Variants in HIPK3 observed in about 807,000 individuals in gnomAD.
HIPK3 encodes the protein homeodomain-interacting protein kinase 3.
HIPK3 carries 47 observed loss-of-function variants against 124.2 expected under a neutral mutation model. That is an observed-to-expected ratio of 0.38 (90% CI 0.30 to 0.48). The LOEUF is 0.48. Among genes scored for constraint, HIPK3 ranks in the 20% least tolerant of loss-of-function variants. The pLI is 0.98. For synonymous variants in HIPK3, 482 were observed against 515.2 expected (o/e 0.94, Z 0.87); for missense variants, 1,286 against 1,454.3 (o/e 0.88, Z 1.88).
chr11:33,295,306 C>G (rs1050047639), intron 2 of HIPK3, among the ~76,000 whole-genome samples: 1 of 151,346 alleles, frequency 6.6e-6, no homozygotes, highest in Non-Finnish European at 1.5e-5. Flanking sequence ...ACCCCATCCC[C>G]GCCCATGGCA....
At chr11:33,323,284 C>T (rs1366624029) in intron 2 of HIPK3, among the ~76,000 whole-genome samples, 1 of 152,142 alleles carries the variant, frequency 6.6e-6, no homozygotes, top group Non-Finnish European at 1.5e-5. Flanking sequence ...GCTCTGGTCG[C>T]CCAGGCTGGA....
rs1011435349 is a variant in HIPK3, at chr11:33,257,949, G to C, written c.-3+60G>C. The C allele has an allele frequency of 3.7e-4, 368 of 984,610 alleles. 2 individuals are homozygous for C. The highest frequency in any genetic ancestry group is 4.3e-4 in the Non-Finnish European group (357 of 829,318). 61.0% of individuals were successfully genotyped at this position (984,610 alleles called of 1,614,324 possible). A position where few individuals can be genotyped will look rare whatever the true frequency, so the allele number is the denominator to read the frequency against. On this transcript the variant is annotated intron_variant, in intron 1 of 16. Transcript: ENST00000303296. ...GGGTGGGGGGATCGGCTCCGTCTGCGGGCTCCGCGGCCAGCGGACCCCAAG... is the reference window on the plus strand; with the variant it reads ...GGGTGGGGGGATCGGCTCCGTCTGCCGGCTCCGCGGCCAGCGGACCCCAAG...
chr11:33,283,794 C>T (rs1264183669), intron 1 of HIPK3, among the ~76,000 whole-genome samples: 1 of 151,926 alleles, frequency 6.6e-6, no homozygotes, highest in Non-Finnish European at 1.5e-5. Flanking sequence ...TGTGCCTCAG[C>T]CTCTCCAGTG....
At chr11:33,300,156 A>G (rs1021483128) in intron 2 of HIPK3, among the ~76,000 whole-genome samples, 6 of 152,094 alleles carry the variant, frequency 3.9e-5, no homozygotes, top group Non-Finnish European at 7.4e-5. Flanking sequence ...CCTGGCCAAC[A>G]TGGCGAAACC....
intron 12 of HIPK3, 85 bp downstream of exon 12, chr11:33,348,313 AAG>A (rs1853559079): frequency 1.6e-6 from 2 of 1,276,272 alleles, no homozygotes; most frequent in African/African-American, 3.0e-5. Flanking sequence ...ATTTACCAAA[AAG>A]CAACTATTTA....
At chr11:33,272,418 T>C (rs562387986) in intron 1 of HIPK3, among the ~76,000 whole-genome samples, 1 of 151,348 alleles carries the variant, frequency 6.6e-6, no homozygotes, top group East Asian at 1.9e-4. Context: ...AAAATAATAA[T>C]AATTCAATGT....
chr11:33,356,414 TTAAA>T lies in HIPK3; in HGVS notation c.*2851_*2854del, dbSNP rs1247217934. On this transcript the variant is annotated 3_prime_UTR_variant, in exon 17 of 17. Transcript: ENST00000303296. ...AGTTTTCTTCGGTTTTAATGCTTTC[TTAAA>T]TAAAACACTGCATGATTTCCAAGTT... is the stretch of plus-strand genomic sequence containing the variant. 3.9e-5 allele frequency: 6 copies of T among 152,088 alleles called. No homozygotes were observed. Among genetic ancestry groups the T allele is most frequent in the Non-Finnish European group, 7.4e-5 (5 of 67,930 alleles). The allele number at this position is 152,088 out of a possible 1,614,324, so 9.4% of individuals were successfully genotyped here. A position where few individuals can be genotyped will look rare whatever the true frequency, so the allele number is the denominator to read the frequency against.
intron 1 of HIPK3, among the ~76,000 whole-genome samples, chr11:33,280,887 C>G (rs989937085): frequency 3.9e-5 from 6 of 152,022 alleles, no homozygotes; most frequent in African/African-American, 1.5e-4. Flanking sequence ...TTTGGTAGGA[C>G]TTGAATTTGC....
intron 1 of HIPK3, among the ~76,000 whole-genome samples, chr11:33,266,707 A>G (rs191323857): frequency 2.0e-5 from 3 of 152,298 alleles, no homozygotes; most frequent in Admixed American, 6.5e-5. Context: ...GTGAGACCTT[A>G]TCTCAAAAAC....
At chr11:33,313,669 A>G (rs1023628575) in intron 2 of HIPK3, among the ~76,000 whole-genome samples, 9 of 152,110 alleles carry the variant, frequency 5.9e-5, no homozygotes, top group Admixed American at 2.6e-4. Context: ...AAAAAAAAGT[A>G]TAGGAAAAAT....
intron 2 of HIPK3, among the ~76,000 whole-genome samples, chr11:33,312,971 C>T (rs1284900540): frequency 6.6e-6 from 1 of 152,148 alleles, no homozygotes; most frequent in Non-Finnish European, 1.5e-5. Context: ...TTCTCTATTA[C>T]TCCAAAGTCT....
intron 2 of HIPK3, among the ~76,000 whole-genome samples, chr11:33,318,671 ATCTC>A (rs1253210512): frequency 2.0e-5 from 3 of 152,188 alleles, no homozygotes; most frequent in African/African-American, 4.8e-5. Context: ...TGCCAGCAAA[ATCTC>A]TCTGTCTCTT....
At chr11:33,290,390 A>C (rs780926368) in intron 2 of HIPK3, among the ~76,000 whole-genome samples, 35 of 152,060 alleles carry the variant, frequency 2.3e-4, no homozygotes, top group Non-Finnish European at 4.7e-4. Flanking sequence ...ATCTTATTTA[A>C]CAGTATGAGA....
Position 33,348,735 on chromosome 11 carries a change from C to A in HIPK3, c.2583C>A (p.Asp861Glu). ...AGCGGCAAACCATCATTATTGCCGA[C>A]TCCCCGAGTCCTGCAGTGAGTGTCA... Reference protein sequence around the residue: ...DKQRQTIIIADSPSPAVSVIT... With the variant: ...DKQRQTIIIAESPSPAVSVIT... Residue 861 changes from aspartate to glutamate, a missense_variant, in exon 13 of 17, where the codon GAC (aspartate) becomes GAA (glutamate). By Grantham distance (45) the Asp-to-Glu change is conservative (BLOSUM62 2). Transcript: ENST00000303296. The A allele has an allele frequency of 6.2e-7, 1 of 1,614,124 alleles. No homozygotes were observed. The highest frequency in any genetic ancestry group is 8.5e-7 in the Non-Finnish European group (1 of 1,179,978).
intron 2 of HIPK3, among the ~76,000 whole-genome samples, chr11:33,311,445 G>A (rs1048578447): frequency 2.0e-5 from 3 of 152,182 alleles, no homozygotes; most frequent in South Asian, 2.1e-4. Context: ...CTCCCAAAGT[G>A]CCAGGATTAC....
Position 33,341,669 on chromosome 11 carries a change from G to T in HIPK3, c.1880G>T (p.Cys627Phe). ...GDAFQQTLII[C>F]PPAIQGIPAT... ...GCTTTTCAGCAGACATTGATTATCTGTCCCCCAGCTATTCAAGGTATTATT... is the reference window on the plus strand; with the variant it reads ...GCTTTTCAGCAGACATTGATTATCTTTCCCCCAGCTATTCAAGGTATTATT... Residue 627 changes from cysteine (C) to phenylalanine (F), a missense_variant, in exon 8 of 17, where the codon TGT becomes TTT. By Grantham distance (205) the Cys-to-Phe change is radical (BLOSUM62 -2). This residue lies in a region of HIPK3 where 810 missense variants were observed against 864.9 expected (regional missense o/e 0.94). Transcript: ENST00000303296. 6.2e-7 allele frequency: 1 copy of T among 1,612,000 alleles called. No individual in the cohort carries two copies. The highest frequency in any genetic ancestry group is 8.5e-7 in the Non-Finnish European group (1 of 1,179,150).
intron 16 of HIPK3, 124 bp downstream of exon 16, chr11:33,352,389 C>A: frequency 1.0e-6 from 1 of 995,928 alleles, no homozygotes. Flanking sequence ...CTCATTATCC[C>A]AAGTGGCTAA....
At chr11:33,342,542 C>CT (rs371154303) in intron 8 of HIPK3, among the ~76,000 whole-genome samples, 134 of 135,970 alleles carry the variant, frequency 9.9e-4, no homozygotes, top group East Asian at 3.4e-3. Context: ...GCTATACATT[C>CT]TTTTTTTTTT....
chr11:33,304,396 A>G (rs529966572), intron 2 of HIPK3, among the ~76,000 whole-genome samples: 1 of 152,238 alleles, frequency 6.6e-6, no homozygotes, highest in South Asian at 2.1e-4. Context: ...CGTCTCTACT[A>G]AAAATACAAA....
Sources: gnomAD v4.1 joint callset for allele counts (sites outside exome capture counted in the v4.1 genomes callset) on GRCh38, gnomAD v4.1.1 for gene constraint, gnomAD v4.1.1 regional missense constraint, MANE v1.5 for transcripts, NCBI Gene and HGNC (gene_info 2026-07-23, HGNC 2026-07-21) for gene names.